The following NR5A1 variants were observed in gnomAD, a reference collection of about 807,000 sequenced individuals.
NR5A1 encodes the protein steroidogenic factor 1.
A neutral mutation model predicts 42.7 loss-of-function variants in NR5A1; 6 were observed. The ratio of observed to expected loss-of-function variants is 0.14; its 90% CI spans 0.08 to 0.28. NR5A1 has a LOEUF of 0.28. Ranked by LOEUF, NR5A1 falls within the 10% of genes least tolerant of loss-of-function variation. The pLI, the probability that NR5A1 is intolerant of heterozygous loss-of-function variation, is 1.00. For synonymous variants in NR5A1, 274 were observed against 277.5 expected, an observed-to-expected ratio of 0.99 and a Z score of 0.12; for missense variants, 442 against 626.4, an observed-to-expected ratio of 0.71 and a Z score of 3.14.
rs1421177840 is a variant in NR5A1 at position 124,501,329 on chromosome 9, C to T, written c.245-614G>A. ...CTGTTGAGCTCCTGCTTCAAAATGA[C>T]TCAAGTATCCTTCACTGGCTGCGAA... On this transcript the variant is annotated intron_variant, in intron 3 of 6. Coordinates refer to ENST00000373588, the MANE Select transcript of NR5A1 (RefSeq NM_004959.5). The surrounding 1 kb of genome is among the most constrained non-coding windows in gnomAD (Gnocchi z 4.1). Among the ~76,000 whole-genome samples, 1 of 152,232 alleles carries T rather than the reference C, an allele frequency of 6.6e-6. No homozygotes were observed. Among genetic ancestry groups the T allele is most frequent in the African/African-American group, 2.4e-5 (1 of 41,462 alleles).
In NR5A1 at chr9:124,492,929, A is replaced by T; in HGVS notation, c.990+101T>A. On this transcript the variant is annotated intron_variant, in intron 5 of 6. Coordinates refer to ENST00000373588, the MANE Select transcript of NR5A1 (RefSeq NM_004959.5). ...GCTGATAATTAGGGTGCCCAGAGCC[A>T]GCCCCGAGAGGCCTGGGTCCTCCTC... The T allele has an allele frequency of 1.5e-6, 2 of 1,360,720 alleles. 1 individual carries two copies. Among genetic ancestry groups the T allele is most frequent in the Non-Finnish European group, 1.9e-6 (2 of 1,028,116 alleles). The allele number at this position is 1,360,720 out of a possible 1,614,324, so 84.3% of individuals were successfully genotyped here. A position where few individuals can be genotyped will look rare whatever the true frequency, so the allele number is the denominator to read the frequency against.
chr9:124,497,851 T>G (rs1275608644), intron 4 of NR5A1, among the ~76,000 whole-genome samples: 1 of 152,198 alleles, frequency 6.6e-6, no homozygotes, highest in African/African-American at 2.4e-5. Context: ...TCCCTGAACC[T>G]TCTCTACTTT....
At chr9:124,486,335 C>T (rs538934859) in intron 6 of NR5A1, among the ~76,000 whole-genome samples, 1 of 152,322 alleles carries the variant, frequency 6.6e-6, no homozygotes, top group African/African-American at 2.4e-5. Flanking sequence ...CAGCTCGGTT[C>T]ATCTCAGCAG....
Position 124,500,404 on chromosome 9 carries a change from G to A in NR5A1, c.556C>T (p.Pro186Ser), listed in dbSNP as rs1267292857. 3 of 1,562,560 alleles carry A rather than the reference G, an allele frequency of 1.9e-6. No homozygotes were observed. Among genetic ancestry groups the A allele is most frequent in the South Asian group, 1.2e-5 (1 of 85,532 alleles). The change falls in exon 4 of 7, where the codon CCT becomes TCT. Residue 186 changes from proline (P) to serine (S), a missense_variant. Physicochemically the swap from Pro to Ser is moderately conservative, Grantham distance 74. Transcript: ENST00000373588. This position sits in a 1 kb window ranked among gnomAD's most constrained non-coding sequence, Gnocchi z 6.9. Reference protein sequence around the residue: ...AHGPLAGYLYPAFPGRAIKSE... With the variant: ...AHGPLAGYLYSAFPGRAIKSE... Reference sequence around the variant, plus strand: ...TTGATGGCACGGCCAGGAAAGGCAGGGTAGAGGTAGCCAGCCAGTGGCCCG... The same window carrying A: ...TTGATGGCACGGCCAGGAAAGGCAGAGTAGAGGTAGCCAGCCAGTGGCCCG...
chr9:124,485,543 G>C (rs1268954611), intron 6 of NR5A1, among the ~76,000 whole-genome samples: 1 of 152,174 alleles, frequency 6.6e-6, no homozygotes, highest in African/African-American at 2.4e-5. Context: ...CCCAGCCCAG[G>C]CTCCTCACCC....
Position 124,496,925 on chromosome 9 carries a change from C to T in NR5A1, c.870+3165G>A, listed in dbSNP as rs868477595. 6.6e-6 allele frequency among the ~76,000 whole-genome samples: 1 copy of T among 152,186 alleles called. No homozygotes were observed. The highest frequency in any genetic ancestry group is 2.4e-5 in the African/African-American group (1 of 41,432). ...ACTGCCTGGGCCCTGGGCACTGCTG[C>T]CCACCAAGCAGCAGGTACAGGTGAG... On this transcript the variant is annotated intron_variant, in intron 4 of 6. Transcript: ENST00000373588. The surrounding 1 kb of genome is among the most constrained non-coding windows in gnomAD (Gnocchi z 5.0).
intron 6 of NR5A1, among the ~76,000 whole-genome samples, chr9:124,486,492 G>A (rs1036975458): frequency 6.6e-6 from 1 of 152,214 alleles, no homozygotes; most frequent in Non-Finnish European, 1.5e-5. Flanking sequence ...CAGGACTGGG[G>A]CCCCCTGCCC....
Position 124,482,744 on chromosome 9 carries a change from C to G in NR5A1, c.*14G>C. 1 of 1,516,518 alleles carries G rather than the reference C, an allele frequency of 6.6e-7. No individual in the cohort carries two copies. Among genetic ancestry groups the G allele is most frequent in the East Asian group, 2.5e-5 (1 of 39,506 alleles). 93.9% of individuals were successfully genotyped at this position (1,516,518 alleles called of 1,614,324 possible). ...AGTCCCGCCCCCAGTCCCGGCCCCG[C>G]CCCCGGCCCAGGCTCAAGTCTGCTT... On this transcript the variant is annotated 3_prime_UTR_variant, in exon 7 of 7. Transcript: ENST00000373588.
At position 124,482,729 on chromosome 9, in the gene NR5A1, C is replaced by G. The variant is rs1564146805; in HGVS notation, c.*29G>C. 1.4e-6 allele frequency: 2 copies of G among 1,471,750 alleles called. No individual in the cohort carries two copies. Among genetic ancestry groups the G allele is most frequent in the Middle Eastern group, 2.4e-4 (1 of 4,188 alleles). The allele number at this position is 1,471,750 out of a possible 1,614,324, so 91.2% of individuals were successfully genotyped here. A position where few individuals can be genotyped will look rare whatever the true frequency, so the allele number is the denominator to read the frequency against. ...CCAGGCCCCGCCCCCAGTCCCGCCC[C>G]CAGTCCCGGCCCCGCCCCCGGCCCA... On this transcript the variant is annotated 3_prime_UTR_variant, in exon 7 of 7. Transcript: ENST00000373588.
Position 124,503,033 on chromosome 9 carries a change from C to T in NR5A1, c.244+46G>A, listed in dbSNP as rs1352554920. On this transcript the variant is annotated intron_variant, in intron 3 of 6. Coordinates refer to ENST00000373588, the MANE Select transcript of NR5A1 (RefSeq NM_004959.5). The surrounding 1 kb of genome is among the most constrained non-coding windows in gnomAD (Gnocchi z 9.6). ...CCTCTCCCACCCCCACCCCCTACCC[C>T]CTCAGGCTGTGGGGGGTCAGGGGTC... 9 of 1,537,654 alleles carry T rather than the reference C, an allele frequency of 5.9e-6. No homozygotes were observed. Among genetic ancestry groups the T allele is most frequent in the Non-Finnish European group, 7.8e-6 (9 of 1,146,894 alleles).
chr9:124,485,980 T>G (rs1221499027), intron 6 of NR5A1, among the ~76,000 whole-genome samples: 7 of 125,810 alleles, frequency 5.6e-5, no homozygotes, highest in African/African-American at 1.5e-4. Context: ...GCAGCTGGAG[T>G]GGGGAGGACC....
chr9:124,504,602 C>T (rs1259329302), intron 1 of NR5A1, among the ~76,000 whole-genome samples: 1 of 151,728 alleles, frequency 6.6e-6, no homozygotes, highest in African/African-American at 2.4e-5. Context: ...AGGCGAAGTC[C>T]GGAGGAGGGA....
chr9:124,503,119 G>T lies in NR5A1; in HGVS notation c.204C>A (p.Cys68Ter). Residue 68 changes from cysteine to a stop codon, truncating the protein, a stop_gained, in exon 3 of 7, where the codon TGC becomes TGA. Transcript: ENST00000373588. LOFTEE classifies it high-confidence loss of function. The surrounding 1 kb of genome is among the most constrained non-coding windows in gnomAD (Gnocchi z 9.6). ...CCACCGTCAGGCATTTCTGGAAGCG[G>T]CAGAAGGGACAGCGCTTGCGCTGCG... The part of the protein sequence containing the change: ...DKTQRKRCPF[C>*]RFQKCLTVGM... The T allele has an allele frequency of 6.3e-7, 1 of 1,593,910 alleles. No individual in the cohort carries two copies.
Position 124,500,937 on chromosome 9 carries a change from A to G in NR5A1, c.245-222T>C. The G allele has an allele frequency of 1.4e-6, 1 of 732,212 alleles. No homozygotes were observed. Among genetic ancestry groups the G allele is most frequent in the East Asian group, 2.7e-5 (1 of 37,176 alleles). 45.4% of individuals were successfully genotyped at this position (732,212 alleles called of 1,614,324 possible). A position where few individuals can be genotyped will look rare whatever the true frequency, so the allele number is the denominator to read the frequency against. On this transcript the variant is annotated intron_variant, in intron 3 of 6. Coordinates refer to ENST00000373588, the MANE Select transcript of NR5A1 (RefSeq NM_004959.5). This position sits in a 1 kb window ranked among gnomAD's most constrained non-coding sequence, Gnocchi z 6.9. The stretch of plus-strand genomic sequence containing the variant: ...GCTAAGACCCCTCTCCTTCCACTCC[A>G]CCGAACTCACCTCCACTCCTCTGTT...
At chr9:124,486,062 T>G (rs2131272131) in intron 6 of NR5A1, among the ~76,000 whole-genome samples, 1 of 152,096 alleles carries the variant, frequency 6.6e-6, no homozygotes, top group Non-Finnish European at 1.5e-5. Context: ...TTTACCGGGA[T>G]TTACTGTTCT....
At position 124,482,673 on chromosome 9, in the gene NR5A1, T is replaced by G; in HGVS notation, c.*85A>C. On this transcript the variant is annotated 3_prime_UTR_variant, in exon 7 of 7. Transcript: ENST00000373588. ...TCGGTGGGCATCAGAAAATGAACCA[T>G]GCGGAGCCAGCGGTGTGGCTGCGGC... 1 of 1,451,430 alleles carries G rather than the reference T, an allele frequency of 6.9e-7. No individual in the cohort carries two copies. The highest frequency in any genetic ancestry group is 9.3e-7 in the Non-Finnish European group (1 of 1,071,696). The allele number at this position is 1,451,430 out of a possible 1,614,324, so 89.9% of individuals were successfully genotyped here.
At chr9:124,491,025 T>A (rs1003827187) in intron 6 of NR5A1, 56 bp downstream of exon 6, 9 of 340,702 alleles carry the variant, frequency 2.6e-5, no homozygotes, top group East Asian at 9.2e-5. Flanking sequence ...TCACCCACCC[T>A]CCCACCCACC....
At chr9:124,505,778 G>T (rs1054139909) in intron 1 of NR5A1, among the ~76,000 whole-genome samples, 1 of 152,216 alleles carries the variant, frequency 6.6e-6, no homozygotes, top group Non-Finnish European at 1.5e-5. Context: ...CTCACGGGGG[G>T]GTGGGGCGAG....
intron 6 of NR5A1, among the ~76,000 whole-genome samples, chr9:124,490,204 C>G (rs1832285258): frequency 1.3e-5 from 2 of 152,230 alleles, no homozygotes; most frequent in Non-Finnish European, 2.9e-5. Flanking sequence ...TTCCAGGAAG[C>G]CTTCCAGAAA....
Sources: allele counts gnomAD v4.1 joint callset (sites outside exome capture counted in the v4.1 genomes callset), GRCh38; gene constraint gnomAD v4.1.1; non-coding constraint Gnocchi (gnomAD v3.1); transcripts MANE v1.5; gene names NCBI Gene and HGNC (gene_info 2026-07-23, HGNC 2026-07-21).